MAST2: variants seen among roughly 807,000 people sequenced by gnomAD.
MAST2 encodes microtubule-associated serine/threonine-protein kinase 2.
MAST2 carries 70 observed loss-of-function variants against 147.4 expected under a neutral mutation model. The observed-to-expected ratio is 0.47, with a 90% CI of 0.39 to 0.58. MAST2 has a LOEUF of 0.58. Among genes scored for constraint, MAST2 ranks in the 20% least tolerant of loss-of-function variants. The pLI, the probability that MAST2 is intolerant of heterozygous loss-of-function variation, is 0.00. For missense variants in MAST2, 2,080 were observed against 2,302.3 expected (o/e 0.90, Z 1.98); for synonymous variants, 869 against 896.8 (o/e 0.97, Z 0.55).
intron 1 of MAST2, among the ~76,000 whole-genome samples, chr1:45,815,140 C>T (rs530129627): frequency 8.0e-5 from 12 of 150,796 alleles, no homozygotes; most frequent in African/African-American, 2.7e-4. Context: ...GTTTCTTTGC[C>T]GTTATTTCAG....
chr1:45,980,118 C>A (rs2149049809), intron 5 of MAST2, among the ~76,000 whole-genome samples: 1 of 152,026 alleles, frequency 6.6e-6, no homozygotes, highest in East Asian at 1.9e-4. Flanking sequence ...AAACTCATCT[C>A]TACTAAAAAT....
At chr1:45,962,829 G>A (rs1440520444) in intron 5 of MAST2, among the ~76,000 whole-genome samples, 1 of 152,132 alleles carries the variant, frequency 6.6e-6, no homozygotes, top group African/African-American at 2.4e-5. Flanking sequence ...TAGACATGAA[G>A]TCCTTGCTCA....
At chr1:46,016,463 G>A (rs1207940098) in intron 10 of MAST2, among the ~76,000 whole-genome samples, 1 of 151,874 alleles carries the variant, frequency 6.6e-6, no homozygotes, top group Admixed American at 6.6e-5. Flanking sequence ...TCCTTAAGCT[G>A]ATAAGCAACT....
chr1:45,862,762 G>A (rs1301302729), intron 3 of MAST2, among the ~76,000 whole-genome samples: 2 of 152,120 alleles, frequency 1.3e-5, no homozygotes, highest in Non-Finnish European at 2.9e-5. Flanking sequence ...ACCTGGCCAG[G>A]TTGAAGATTT....
At chr1:45,972,315 T>C (rs971323171) in intron 5 of MAST2, among the ~76,000 whole-genome samples, 2 of 152,220 alleles carry the variant, frequency 1.3e-5, no homozygotes, top group Admixed American at 6.5e-5. Context: ...GCAGATACAC[T>C]GGTGGGGCTG....
At position 46,025,667 on chromosome 1, in the gene MAST2, C is replaced by A. The variant is rs754673563; in HGVS notation, c.1781-10C>A. On this transcript the variant is annotated splice_polypyrimidine_tract_variant and intron_variant, in intron 15 of 28. Transcript: ENST00000361297. ...AATCCTTTCCTCATGGTAGCCTGGG[C>A]TTGTTGCAGGGGGAGACTGTGCCAC... The A allele has an allele frequency of 1.9e-5, 31 of 1,613,838 alleles. No homozygotes were observed. The highest frequency in any genetic ancestry group is 2.4e-5 in the Non-Finnish European group (28 of 1,180,022).
At chr1:45,972,758 C>T (rs1040751395) in intron 5 of MAST2, among the ~76,000 whole-genome samples, 1 of 152,182 alleles carries the variant, frequency 6.6e-6, no homozygotes, top group Non-Finnish European at 1.5e-5. Context: ...ACTCTGGAAA[C>T]CCTTCCAGTG....
At chr1:45,830,314 A>G (rs1644917119) in intron 3 of MAST2, among the ~76,000 whole-genome samples, 1 of 146,998 alleles carries the variant, frequency 6.8e-6, no homozygotes, top group South Asian at 2.1e-4. Flanking sequence ...AGCTGGGATT[A>G]CAGGCACTTG....
intron 4 of MAST2, chr1:45,917,496 C>T (rs746791178): frequency 2.9e-5 from 39 of 1,366,458 alleles, no homozygotes; most frequent in Non-Finnish European, 3.6e-5. Flanking sequence ...CCACAGCAGT[C>T]CTGGCACTCC....
chr1:45,980,860 C>G (rs1280843621), intron 5 of MAST2, among the ~76,000 whole-genome samples: 2 of 152,032 alleles, frequency 1.3e-5, no homozygotes, highest in Admixed American at 6.6e-5. Context: ...ACATCTTAAT[C>G]TTCCTTCCCC....
intron 15 of MAST2, chr1:46,024,332 C>T (rs1435206888): frequency 1.5e-5 from 4 of 273,568 alleles, no homozygotes; most frequent in African/African-American, 8.6e-5. Context: ...GCATCTGGAC[C>T]CTCAGAAGAA....
chr1:46,025,905 C>T (rs1028406152), intron 16 of MAST2, 90 bp downstream of exon 16: 15 of 1,516,668 alleles, frequency 9.9e-6, no homozygotes, highest in Non-Finnish European at 1.4e-5. Context: ...TAAATCTATC[C>T]AGATGGCTAC....
intron 4 of MAST2, among the ~76,000 whole-genome samples, chr1:45,925,279 A>T (rs555860366): frequency 6.6e-6 from 1 of 152,292 alleles, no homozygotes; most frequent in Admixed American, 6.5e-5. Context: ...CCTTGATTGG[A>T]AGGAATGAGT....
intron 10 of MAST2, among the ~76,000 whole-genome samples, chr1:46,015,855 G>A (rs540984084): frequency 3.3e-5 from 5 of 151,988 alleles, no homozygotes; most frequent in Non-Finnish European, 5.9e-5. Context: ...TACCAAAGCC[G>A]GGCAGAGACA....
At chr1:45,883,701 A>C (rs1646942608) in intron 4 of MAST2, among the ~76,000 whole-genome samples, 1 of 152,054 alleles carries the variant, frequency 6.6e-6, no homozygotes. Context: ...TCTATTATTT[A>C]AGAGGCACAT....
intron 2 of MAST2, among the ~76,000 whole-genome samples, chr1:45,829,141 G>A (rs1429751161): frequency 2.6e-5 from 4 of 152,092 alleles, no homozygotes; most frequent in Non-Finnish European, 5.9e-5. Context: ...AGAAGGGATT[G>A]GAAAACTCCT....
intron 3 of MAST2, chr1:45,847,392 C>G (rs1403426546): frequency 5.7e-6 from 3 of 527,030 alleles, no homozygotes; most frequent in Non-Finnish European, 7.3e-6. Context: ...TCACAAGCAT[C>G]TTTGTTTGAA....
intron 9 of MAST2, among the ~76,000 whole-genome samples, chr1:46,009,914 A>C (rs560493914): frequency 1.3e-4 from 20 of 152,336 alleles, no homozygotes; most frequent in African/African-American, 4.6e-4. Flanking sequence ...GACAGCTTAG[A>C]TAGGCAGCTA....
intron 5 of MAST2, among the ~76,000 whole-genome samples, chr1:45,970,460 C>T (rs12136098): frequency 0.024 from 3,660 of 151,872 alleles, 66 homozygotes; most frequent in Non-Finnish European, 0.04. Context: ...GTCAGGAGTT[C>T]GAGACCATCC....
Sources: gnomAD v4.1 joint callset for allele counts (sites outside exome capture counted in the v4.1 genomes callset) on GRCh38, gnomAD v4.1.1 for gene constraint, MANE v1.5 for transcripts, NCBI Gene and HGNC (gene_info 2026-07-23, HGNC 2026-07-21) for gene names.